The following DNAH7 variants were observed in gnomAD, a reference collection of about 807,000 sequenced individuals.
DNAH7 encodes the protein dynein axonemal heavy chain 7, also known as axonemal beta dynein heavy chain 7.
In DNAH7, 397 loss-of-function variants were observed where a neutral mutation model predicts 444.6. The observed-to-expected ratio is 0.89, with a 90% CI of 0.82 to 0.97. The LOEUF (loss-of-function observed/expected upper bound fraction) is 0.97, where lower values mean the gene tolerates loss of function less well. DNAH7 is among the 50% of genes least tolerant of loss of function. The probability of loss-of-function intolerance (pLI) is 0.00; values close to 1 mark genes in which losing one functional copy is unlikely to be tolerated. For synonymous variants in DNAH7, 1,636 were observed against 1,624.4 expected (o/e 1.01, Z -0.17); for missense variants, 4,902 against 4,800.8 (o/e 1.02, Z -0.62).
intron 49 of DNAH7, among the ~76,000 whole-genome samples, chr2:195,818,047 T>A (rs1415412603): frequency 6.6e-6 from 1 of 152,192 alleles, no homozygotes; most frequent in Non-Finnish European, 1.5e-5. Context: ...ATCTAATACC[T>A]CAAAGGGTTT....
At chr2:196,054,120 T>G (rs1034061362) in intron 2 of DNAH7, among the ~76,000 whole-genome samples, 10 of 152,236 alleles carry the variant, frequency 6.6e-5, no homozygotes, top group African/African-American at 2.4e-4. Flanking sequence ...AATATCTCCC[T>G]GTTAAAATCT....
rs1187475609 is a variant in DNAH7, at chr2:196,012,795, TAG to T, written c.979_980del (p.Leu327ThrfsTer2). 1.9e-6 allele frequency: 3 copies of T among 1,599,818 alleles called. No homozygotes were observed. Among genetic ancestry groups the T allele is most frequent in the African/African-American group, 1.3e-5 (1 of 74,146 alleles). ...MRHMDSAKET[L>X]LKMWFPEVQN... Reference sequence around the variant, plus strand: ...AAATTTCAAACCTTTACATTTTAAGTAGAGTCTCTTTGGCAGAGTCCATGTGT... The same window carrying T: ...AAATTTCAAACCTTTACATTTTAAGTAGTCTCTTTGGCAGAGTCCATGTGT... On this transcript the variant is annotated frameshift_variant, in exon 10 of 65. Transcript: ENST00000312428. LOFTEE classifies it high-confidence loss of function.
intron 1 of DNAH7, among the ~76,000 whole-genome samples, chr2:196,062,772 C>T (rs1428038652): frequency 6.6e-6 from 1 of 152,190 alleles, no homozygotes; most frequent in Non-Finnish European, 1.5e-5. Context: ...CAATGCCTCC[C>T]TTTATGCTAC....
At chr2:195,781,609 T>C (rs1695379405) in intron 58 of DNAH7, among the ~76,000 whole-genome samples, 1 of 152,144 alleles carries the variant, frequency 6.6e-6, no homozygotes, top group Admixed American at 6.6e-5. Flanking sequence ...AAAACAGGGC[T>C]TGAAGTCAAC....
At chr2:196,015,096 T>G (rs1694935736) in intron 9 of DNAH7, among the ~76,000 whole-genome samples, 1 of 152,188 alleles carries the variant, frequency 6.6e-6, no homozygotes, top group Non-Finnish European at 1.5e-5. Flanking sequence ...GTGAAATTGC[T>G]GGATTCAAGT....
intron 15 of DNAH7, among the ~76,000 whole-genome samples, chr2:195,982,323 G>A (rs1243580350): frequency 6.6e-6 from 1 of 152,102 alleles, no homozygotes; most frequent in Non-Finnish European, 1.5e-5. Context: ...CAAAAGACAG[G>A]CAATAACAAA....
intron 61 of DNAH7, 98 bp downstream of exon 61, chr2:195,771,562 C>G (rs1486757192): frequency 5.6e-6 from 5 of 885,826 alleles, no homozygotes; most frequent in Middle Eastern, 5.5e-4. Context: ...GAACCCAAAA[C>G]AGTGCTTATA....
chr2:195,789,768 T>TA (rs202158950), intron 57 of DNAH7, among the ~76,000 whole-genome samples: 18 of 149,924 alleles, frequency 1.2e-4, no homozygotes, highest in South Asian at 4.3e-4. Context: ...GAGAAAACAT[T>TA]AAAAAAAAAC....
In DNAH7 at chr2:196,012,806, T is replaced by C; in HGVS notation, c.970A>G (p.Lys324Glu). ...NIIMRHMDSA[K>E]ETLLKMWFPE... is the part of the protein sequence containing the mutation. ...CTTTACATTTTAAGTAGAGTCTCTT[T>C]GGCAGAGTCCATGTGTCTCATGATA... The change falls in exon 10 of 65, where the codon AAA becomes GAA. Residue 324 changes from lysine (K) to glutamate (E), a missense_variant. Lys to Glu is a moderately conservative substitution (Grantham distance 56, BLOSUM62 1). Coordinates refer to ENST00000312428, the MANE Select transcript of DNAH7 (RefSeq NM_018897.3). 6.3e-7 allele frequency: 1 copy of C among 1,599,332 alleles called. No homozygotes were observed. The highest frequency in any genetic ancestry group is 8.5e-7 in the Non-Finnish European group (1 of 1,173,630).
intron 15 of DNAH7, among the ~76,000 whole-genome samples, chr2:195,981,232 A>G (rs1692550982): frequency 6.6e-6 from 1 of 152,078 alleles, no homozygotes; most frequent in Non-Finnish European, 1.5e-5. Context: ...CAAGAAAGTA[A>G]TCTCATTTAC....
Position 195,794,520 on chromosome 2 carries a change from T to G in DNAH7, c.10534A>C (p.Thr3512Pro), listed in dbSNP as rs752384515. The change falls in exon 57 of 65, where the codon ACA (threonine) becomes CCA (proline). Residue 3512 changes from threonine (T) to proline (P), a missense_variant. Transcript: ENST00000312428. ...AGCCACATTCGGAAATCTGGATGTG[T>G]TGACTCTGGGCTTAACTCCTGTAAG... ...KVCEELSPESTHPDFRMWLTS... is the reference protein window; with the variant it reads ...KVCEELSPESPHPDFRMWLTS... The G allele has an allele frequency of 6.2e-6, 10 of 1,614,162 alleles. No homozygotes were observed. The highest frequency in any genetic ancestry group is 8.5e-6 in the Non-Finnish European group (10 of 1,179,992).
intron 19 of DNAH7, among the ~76,000 whole-genome samples, chr2:195,950,851 CAAAAAAAAAAAAAAA>C (rs67782183): frequency 2.7e-5 from 1 of 36,714 alleles, no homozygotes; most frequent in Non-Finnish European, 4.7e-5. Flanking sequence ...GACTCTGTCT[CAAAAAAAAAAAAAAA>C]AAAAAAAAAA....
intron 39 of DNAH7, among the ~76,000 whole-genome samples, 196 bp downstream of exon 39, chr2:195,873,372 T>C (rs914988709): frequency 2.6e-5 from 4 of 152,182 alleles, no homozygotes; most frequent in Admixed American, 1.3e-4. Context: ...ACATATTACA[T>C]AGCAGAATGG....
chr2:195,793,131 C>T (rs920643093), intron 57 of DNAH7, among the ~76,000 whole-genome samples: 6 of 151,944 alleles, frequency 3.9e-5, no homozygotes, highest in African/African-American at 1.4e-4. Flanking sequence ...AGGTAGGGGT[C>T]TCACTATATT....
chr2:196,058,393 C>T (rs900478002), intron 1 of DNAH7, among the ~76,000 whole-genome samples: 4 of 152,224 alleles, frequency 2.6e-5, no homozygotes, highest in Non-Finnish European at 5.9e-5. Flanking sequence ...GAGGGCGATG[C>T]ATCCCAATTC....
At chr2:195,863,990 A>C (rs573792398) in intron 41 of DNAH7, among the ~76,000 whole-genome samples, 159 bp downstream of exon 41, 2 of 152,332 alleles carry the variant, frequency 1.3e-5, no homozygotes, top group Non-Finnish European at 2.9e-5. Flanking sequence ...TTTCTATTAT[A>C]ATTTCTTGAA....
At chr2:195,796,309 C>G (rs1250371141) in intron 56 of DNAH7, among the ~76,000 whole-genome samples, 1 of 152,188 alleles carries the variant, frequency 6.6e-6, no homozygotes, top group Non-Finnish European at 1.5e-5. Flanking sequence ...TCTCCTCCTT[C>G]AGCCTGCTCC....
chr2:196,020,027 T>C (rs181037033), intron 8 of DNAH7, among the ~76,000 whole-genome samples: 1 of 151,448 alleles, frequency 6.6e-6, no homozygotes, highest in African/African-American at 2.4e-5. Context: ...CATGTAAAGA[T>C]TACAAGGATG....
intron 12 of DNAH7, among the ~76,000 whole-genome samples, chr2:195,990,603 G>A (rs141664036): frequency 0.015 from 2,306 of 151,934 alleles, 52 homozygotes; most frequent in African/African-American, 0.052. Context: ...AGGCTGCAGC[G>A]AGCCATGATC....
Sources: allele counts gnomAD v4.1 joint callset (sites outside exome capture counted in the v4.1 genomes callset), GRCh38; gene constraint gnomAD v4.1.1; transcripts MANE v1.5; gene names NCBI Gene and HGNC (gene_info 2026-07-23, HGNC 2026-07-21).